Variants in SLC24A3 observed in about 807,000 individuals in gnomAD.
SLC24A3 encodes the protein sodium/potassium/calcium exchanger 3.
A neutral mutation model predicts 75.8 loss-of-function variants in SLC24A3; 28 were observed. The ratio of observed to expected loss-of-function variants is 0.37; its 90% CI spans 0.27 to 0.51. SLC24A3 has a LOEUF of 0.51. Ranked by LOEUF, SLC24A3 falls within the 20% of genes least tolerant of loss-of-function variation. SLC24A3 has a pLI of 0.94. For missense variants in SLC24A3, 663 were observed against 847.8 expected (o/e 0.78, Z 2.71); for synonymous variants, 372 against 334.1 (o/e 1.11, Z -1.24).
At chr20:19,448,859 G>A (rs866393883) in intron 2 of SLC24A3, among the ~76,000 whole-genome samples, 18 of 152,150 alleles carry the variant, frequency 1.2e-4, no homozygotes, top group Middle Eastern at 3.2e-3. Context: ...AAATTATTAG[G>A]ATTTGAGAGA....
intron 2 of SLC24A3, among the ~76,000 whole-genome samples, chr20:19,421,796 G>A (rs1446367854): frequency 2.6e-5 from 4 of 152,176 alleles, no homozygotes; most frequent in African/African-American, 9.7e-5. Context: ...TTAAATTCCA[G>A]GTTCAACACA....
At chr20:19,591,931 G>A (rs1330514914) in intron 6 of SLC24A3, among the ~76,000 whole-genome samples, 1 of 152,220 alleles carries the variant, frequency 6.6e-6, no homozygotes, top group Non-Finnish European at 1.5e-5. Flanking sequence ...TGCACTCTAG[G>A]TCTTGCTGTG....
intron 3 of SLC24A3, among the ~76,000 whole-genome samples, chr20:19,532,500 G>A (rs886513379): frequency 2.0e-5 from 3 of 152,194 alleles, no homozygotes; most frequent in African/African-American, 4.8e-5. Context: ...AGAATTCCTG[G>A]GGTAGCTATG....
intron 2 of SLC24A3, among the ~76,000 whole-genome samples, chr20:19,384,535 C>A (rs1461026488): frequency 6.6e-6 from 1 of 152,142 alleles, no homozygotes; most frequent in African/African-American, 2.4e-5. Flanking sequence ...GAATAGTATT[C>A]CATTGTGTAT....
chr20:19,401,774 C>A (rs1212803078), intron 2 of SLC24A3, among the ~76,000 whole-genome samples: 1 of 152,128 alleles, frequency 6.6e-6, no homozygotes, highest in Non-Finnish European at 1.5e-5. Flanking sequence ...TCCAAGAATC[C>A]CTCTCAAATG....
At position 19,484,681 on chromosome 20, in the gene SLC24A3, C is replaced by CG. The variant is rs1180738249; in HGVS notation, c.272-30801dup. Among the ~76,000 whole-genome samples the CG allele has an allele frequency of 2.6e-5, 4 of 151,952 alleles. No individual in the cohort carries two copies. The East Asian group carries it at 7.7e-4, about 29-fold the overall frequency. On this transcript the variant is annotated intron_variant, in intron 2 of 16. Coordinates refer to ENST00000328041, the MANE Select transcript of SLC24A3 (RefSeq NM_020689.4). ...AAAGTAGAGTAGGATTGTCAGGGTC[C>CG]GGGGGGAGGCAGGAATGGGGAGTTA...
At chr20:19,519,990 A>C (rs1430709695) in intron 3 of SLC24A3, among the ~76,000 whole-genome samples, 1 of 152,224 alleles carries the variant, frequency 6.6e-6, no homozygotes, top group East Asian at 1.9e-4. Flanking sequence ...TTCAGCTTTC[A>C]AAAGTATTCT....
intron 3 of SLC24A3, among the ~76,000 whole-genome samples, chr20:19,522,895 T>C (rs1169587627): frequency 6.6e-6 from 1 of 152,164 alleles, no homozygotes; most frequent in Non-Finnish European, 1.5e-5. Flanking sequence ...AATATATTTA[T>C]CACCTCACAT....
intron 6 of SLC24A3, among the ~76,000 whole-genome samples, chr20:19,627,515 T>C (rs2031879584): frequency 2.0e-5 from 3 of 152,136 alleles, no homozygotes; most frequent in South Asian, 4.1e-4. Flanking sequence ...TTGATTCTTA[T>C]ATTTACTTGG....
At chr20:19,515,661 C>G (rs1214248523) in intron 3 of SLC24A3, 97 bp downstream of exon 3, 1 of 1,196,022 alleles carries the variant, frequency 8.4e-7, no homozygotes, top group Non-Finnish European at 1.2e-6. Context: ...ATTCTCTCTG[C>G]CCTCCTGTTC....
intron 2 of SLC24A3, among the ~76,000 whole-genome samples, chr20:19,291,631 T>C (rs1456740833): frequency 2.6e-5 from 4 of 151,344 alleles, no homozygotes; most frequent in Non-Finnish European, 5.9e-5. Context: ...ATAAAATCCT[T>C]GAACTAAAGA....
intron 2 of SLC24A3, among the ~76,000 whole-genome samples, chr20:19,446,854 C>T (rs1987395666): frequency 6.6e-6 from 1 of 152,220 alleles, no homozygotes; most frequent in African/African-American, 2.4e-5. Context: ...ACCTGCAGTG[C>T]TCGTCGTCAG....
intron 7 of SLC24A3, among the ~76,000 whole-genome samples, chr20:19,658,285 A>G (rs889977080): frequency 3.0e-5 from 3 of 100,850 alleles, no homozygotes; most frequent in Admixed American, 2.0e-4. Flanking sequence ...GAAAGCGCCA[A>G]TAGAGTCCTT....
intron 3 of SLC24A3, among the ~76,000 whole-genome samples, chr20:19,545,344 G>A (rs2030571033): frequency 6.6e-6 from 1 of 152,212 alleles, no homozygotes; most frequent in Non-Finnish European, 1.5e-5. Flanking sequence ...CCAATGCTCA[G>A]CTTCTGCAAG....
intron 1 of SLC24A3, among the ~76,000 whole-genome samples, chr20:19,228,296 C>G (rs1239135583): frequency 6.6e-6 from 1 of 152,086 alleles, no homozygotes; most frequent in Non-Finnish European, 1.5e-5. Context: ...ACACTGGTTA[C>G]TTTTCATTAT....
chr20:19,559,422 C>G (rs2122608734), intron 3 of SLC24A3, among the ~76,000 whole-genome samples: 1 of 152,210 alleles, frequency 6.6e-6, no homozygotes, highest in East Asian at 1.9e-4. Flanking sequence ...TTTTCATTTT[C>G]TTAGCAGCAT....
intron 3 of SLC24A3, among the ~76,000 whole-genome samples, chr20:19,570,929 T>A (rs1311601148): frequency 6.6e-6 from 1 of 152,142 alleles, no homozygotes; most frequent in African/African-American, 2.4e-5. Context: ...GACCCCAGGA[T>A]AAGAGCCTCA....
intron 2 of SLC24A3, among the ~76,000 whole-genome samples, chr20:19,481,463 G>A (rs1213086582): frequency 1.3e-5 from 2 of 152,172 alleles, no homozygotes; most frequent in Non-Finnish European, 2.9e-5. Context: ...TCAGGAGGCT[G>A]GCTTTAGACT....
chr20:19,212,866 C>G lies in SLC24A3; in HGVS notation c.24C>G (p.Asp8Glu). The change falls in exon 1 of 17, where the codon GAC becomes GAG. Residue 8 changes from aspartate to glutamate, a missense_variant. Around this residue, in one of 2 missense-constraint regions of SLC24A3, gnomAD observed 153 missense variants for 144.2 expected, o/e 1.06. Coordinates refer to ENST00000328041, the MANE Select transcript of SLC24A3 (RefSeq NM_020689.4). ...GGATGCGGCCGTCCGGCGACGAGGA[C>G]CGCGCGCGTCGCCGCCGCCGCCGCC... MRPSGDE[D>E]RARRRRRRRR... is the part of the protein sequence containing the mutation. 1 of 1,231,802 alleles carries G rather than the reference C, an allele frequency of 8.1e-7. No individual in the cohort carries two copies. The highest frequency in any genetic ancestry group is 2.7e-5 in the South Asian group (1 of 36,424). 76.3% of individuals were successfully genotyped at this position (1,231,802 alleles called of 1,614,324 possible).
Sources: gnomAD v4.1 joint callset for allele counts (sites outside exome capture counted in the v4.1 genomes callset) on GRCh38, gnomAD v4.1.1 for gene constraint, gnomAD v4.1.1 regional missense constraint, MANE v1.5 for transcripts, NCBI Gene and HGNC (gene_info 2026-07-23, HGNC 2026-07-21) for gene names.